The following GAB2 variants were observed in gnomAD, a reference collection of about 807,000 sequenced individuals.
GAB2 encodes the protein GRB2-associated-binding protein 2.
In GAB2, 26 loss-of-function variants were observed where a neutral mutation model predicts 65.5. The observed-to-expected ratio is 0.40, with a 90% CI of 0.29 to 0.55. The LOEUF is 0.55. Ranked by LOEUF, GAB2 falls within the 20% of genes least tolerant of loss-of-function variation. The pLI is 0.53. For missense variants in GAB2, 884 were observed against 875.8 expected (o/e 1.01, Z -0.12); for synonymous variants, 321 against 329.6 (o/e 0.97, Z 0.28).
At chr11:78,415,118 C>T (rs141879899) in intron 1 of GAB2, among the ~76,000 whole-genome samples, 1 of 152,218 alleles carries the variant, frequency 6.6e-6, no homozygotes, top group Non-Finnish European at 1.5e-5. Context: ...GTGATCCACC[C>T]GCCTCAGCCT....
chr11:78,224,973 C>T (rs1449066464), intron 5 of GAB2, 135 bp downstream of exon 5: 1 of 637,746 alleles, frequency 1.6e-6, no homozygotes, highest in African/African-American at 1.8e-5. Flanking sequence ...GGGTTCTGAA[C>T]TGAGACAAGA....
chr11:78,277,149 A>T (rs1334824884), intron 2 of GAB2, among the ~76,000 whole-genome samples: 1 of 152,214 alleles, frequency 6.6e-6, no homozygotes, highest in Non-Finnish European at 1.5e-5. Flanking sequence ...ATCTCCACTG[A>T]GTAATTTTTG....
chr11:78,259,454 A>G (rs752784180), intron 2 of GAB2, among the ~76,000 whole-genome samples: 3 of 152,148 alleles, frequency 2.0e-5, no homozygotes, highest in African/African-American at 7.2e-5. Flanking sequence ...ACTGAAAAAC[A>G]AGGAACATAT....
intron 1 of GAB2, among the ~76,000 whole-genome samples, chr11:78,288,869 A>T (rs1432142174): frequency 6.6e-6 from 1 of 152,248 alleles, no homozygotes; most frequent in Non-Finnish European, 1.5e-5. Flanking sequence ...TAGCTAAAAT[A>T]ATTCTGAAAA....
At chr11:78,378,052 C>T (rs562626263) in intron 1 of GAB2, among the ~76,000 whole-genome samples, 10 of 152,172 alleles carry the variant, frequency 6.6e-5, no homozygotes, top group Admixed American at 5.9e-4. Context: ...GTCTGACTAC[C>T]GTAGTTTCCA....
At chr11:78,336,356 A>C (rs1413184033) in intron 1 of GAB2, among the ~76,000 whole-genome samples, 30 of 147,326 alleles carry the variant, frequency 2.0e-4, no homozygotes, top group East Asian at 3.9e-4. Flanking sequence ...AAAAAAAAAA[A>C]AAAAAACACA....
chr11:78,292,271 C>T (rs1866703030), intron 1 of GAB2, among the ~76,000 whole-genome samples: 1 of 152,128 alleles, frequency 6.6e-6, no homozygotes, highest in Admixed American at 6.5e-5. Flanking sequence ...AAGGACACGC[C>T]TATTCCAGGA....
In GAB2 at chr11:78,343,684, G is replaced by T. The variant is rs144100638; in HGVS notation, c.76-62783C>A. 5.9e-3 allele frequency among the ~76,000 whole-genome samples: 895 copies of T among 152,216 alleles called. 4 individuals are homozygous for T. The highest frequency in any genetic ancestry group is 8.4e-3 in the Non-Finnish European group (573 of 68,008). On this transcript the variant is annotated intron_variant, in intron 1 of 9. Coordinates refer to ENST00000361507, the MANE Select transcript of GAB2 (RefSeq NM_080491.3). ...CAGCACTGTCAAATACAAATGTAGC[G>T]TGAGGCACATATGTGATTTTAAAAT...
At chr11:78,335,844 T>C (rs1395405566) in intron 1 of GAB2, among the ~76,000 whole-genome samples, 1 of 152,196 alleles carries the variant, frequency 6.6e-6, no homozygotes, top group Non-Finnish European at 1.5e-5. Context: ...TTTAACAATA[T>C]TAATTCTTCC....
intron 1 of GAB2, among the ~76,000 whole-genome samples, chr11:78,402,003 C>A (rs914428997): frequency 6.6e-6 from 1 of 152,180 alleles, no homozygotes; most frequent in Non-Finnish European, 1.5e-5. Context: ...AATGCCCTGG[C>A]TGCCTAGGAT....
chr11:78,381,265 C>T (rs117471425), intron 1 of GAB2, among the ~76,000 whole-genome samples: 578 of 152,290 alleles, frequency 3.8e-3, no homozygotes, highest in Non-Finnish European at 6.3e-3. Flanking sequence ...TCTCTCAATT[C>T]CTCACTTTTC....
intron 2 of GAB2, among the ~76,000 whole-genome samples, chr11:78,270,746 A>G (rs550108051): frequency 2.6e-4 from 40 of 152,200 alleles, no homozygotes; most frequent in Non-Finnish European, 4.7e-4. Flanking sequence ...AATCATCACT[A>G]CTATTGCTAC....
chr11:78,342,302 C>T (rs555401940), intron 1 of GAB2, among the ~76,000 whole-genome samples: 1 of 152,036 alleles, frequency 6.6e-6, no homozygotes, highest in Admixed American at 6.6e-5. Flanking sequence ...TAAACTCCTT[C>T]TTCAAGGCTT....
chr11:78,266,327 A>G (rs1865875165), intron 2 of GAB2, among the ~76,000 whole-genome samples: 1 of 151,234 alleles, frequency 6.6e-6, no homozygotes. Context: ...CTTGTCTCCC[A>G]TGCATCTCCT....
chr11:78,366,060 A>C (rs1856493073), intron 1 of GAB2, among the ~76,000 whole-genome samples: 1 of 152,228 alleles, frequency 6.6e-6, no homozygotes, highest in Non-Finnish European at 1.5e-5. Context: ...ATGAATATAC[A>C]TATGTTTTAT....
chr11:78,339,680 G>T (rs1328933679), intron 1 of GAB2, among the ~76,000 whole-genome samples: 1 of 152,184 alleles, frequency 6.6e-6, no homozygotes, highest in Non-Finnish European at 1.5e-5. Flanking sequence ...CATGGAAAGT[G>T]TAAGATATGT....
chr11:78,318,580 G>C (rs559343760), intron 1 of GAB2, among the ~76,000 whole-genome samples: 1 of 151,978 alleles, frequency 6.6e-6, no homozygotes, highest in African/African-American at 2.4e-5. Flanking sequence ...TGGCAGTAGG[G>C]AAGGAGAGGA....
At chr11:78,377,939 G>C (rs1856652195) in intron 1 of GAB2, among the ~76,000 whole-genome samples, 1 of 152,156 alleles carries the variant, frequency 6.6e-6, no homozygotes, top group Admixed American at 6.5e-5. Context: ...TCTCATGGAG[G>C]AAATTGCTTT....
In GAB2 at chr11:78,221,754, G is replaced by T; in HGVS notation, c.1684C>A (p.Gln562Lys). 1 of 1,613,430 alleles carries T rather than the reference G, an allele frequency of 6.2e-7. No homozygotes were observed. Among genetic ancestry groups the T allele is most frequent in the Non-Finnish European group, 8.5e-7 (1 of 1,179,454 alleles). ...TGGGTGGAGATGGGGCGGCAGTACTGGGAGGAGCTGGAGTTGAAGGTGTGG... is the reference window on the plus strand; with the variant it reads ...TGGGTGGAGATGGGGCGGCAGTACTTGGAGGAGCTGGAGTTGAAGGTGTGG... Reference protein sequence around the residue: ...ANHTFNSSSSQYCRPISTQSI... With the variant: ...ANHTFNSSSSKYCRPISTQSI... The change falls in exon 8 of 10, where the codon CAG (glutamine) becomes AAG (lysine). Residue 562 changes from glutamine to lysine, a missense_variant. By Grantham distance (53) the Gln-to-Lys change is moderately conservative. Transcript: ENST00000361507.
Sources: gnomAD v4.1 joint callset for allele counts (sites outside exome capture counted in the v4.1 genomes callset) on GRCh38, gnomAD v4.1.1 for gene constraint, MANE v1.5 for transcripts, NCBI Gene and HGNC (gene_info 2026-07-23, HGNC 2026-07-21) for gene names.